HROB: variants seen among roughly 807,000 people sequenced by gnomAD.
The protein encoded by HROB is homologous recombination factor with OB-fold.
Under a neutral mutation model 61.0 loss-of-function variants are expected in HROB, and 44 were observed. The observed-to-expected ratio is 0.72, with a 90% CI of 0.57 to 0.93. The LOEUF (loss-of-function observed/expected upper bound fraction) is 0.93, where lower values mean the gene tolerates loss of function less well. Among genes scored for constraint, HROB ranks in the 40% least tolerant of loss-of-function variants. HROB has a pLI of 0.00. For synonymous variants in HROB, 301 were observed against 310.4 expected (o/e 0.97, Z 0.32); for missense variants, 716 against 796.2 (o/e 0.90, Z 1.21).
At chr17:44,145,050 C>T (rs765488102) in intron 1 of HROB, among the ~76,000 whole-genome samples, 153 bp from the exon 2 acceptor site, 1 of 152,166 alleles carries the variant, frequency 6.6e-6, no homozygotes, top group Non-Finnish European at 1.5e-5. Flanking sequence ...AATCCCATTT[C>T]TTCTCATTCC....
At chr17:44,158,079 A>G (rs1046641519) in intron 9 of HROB, 138 bp downstream of exon 9, 3 of 643,006 alleles carry the variant, frequency 4.7e-6, no homozygotes, top group African/African-American at 3.7e-5. Flanking sequence ...AATCAGATAC[A>G]GTGTCTTGTT....
chr17:44,148,872 A>G lies in HROB; in HGVS notation c.1069A>G (p.Lys357Glu). The G allele has an allele frequency of 1.2e-6, 2 of 1,614,178 alleles. No individual in the cohort carries two copies. Among genetic ancestry groups the G allele is most frequent in the East Asian group, 4.5e-5 (2 of 44,878 alleles). ...CATTGGGTCTCCTGTTGGTACCCCA[A>G]AAGGTCCCCAGGGAGCTCTGCAGAC... ...SSIGSPVGTP[K>E]GPQGALQTPI... Residue 357 changes from lysine (K) to glutamate (E), a missense_variant, in exon 3 of 10, where the codon AAA becomes GAA. Lys to Glu is a moderately conservative substitution (Grantham distance 56, BLOSUM62 1). Transcript: ENST00000585683.
At position 44,142,075 on chromosome 17, in the gene HROB, G is replaced by C; in HGVS notation, c.-68G>C. The C allele has an allele frequency of 6.5e-7, 1 of 1,527,686 alleles. No homozygotes were observed. Among genetic ancestry groups the C allele is most frequent in the Non-Finnish European group, 8.8e-7 (1 of 1,141,348 alleles). 94.6% of individuals were successfully genotyped at this position (1,527,686 alleles called of 1,614,324 possible). A position where few individuals can be genotyped will look rare whatever the true frequency, so the allele number is the denominator to read the frequency against. ...AGACTTCCACCTGGGTCGTGTCCAAGGCCCCGGCGACTCCCCGGACTCGGG... is the reference window on the plus strand; with the variant it reads ...AGACTTCCACCTGGGTCGTGTCCAACGCCCCGGCGACTCCCCGGACTCGGG... On this transcript the variant is annotated 5_prime_UTR_variant, in exon 1 of 10. Coordinates refer to ENST00000585683, the MANE Select transcript of HROB (RefSeq NM_001171251.3).
intron 7 of HROB, 28 bp from the exon 8 acceptor site, chr17:44,155,258 C>T (rs769486731): frequency 8.1e-6 from 13 of 1,612,634 alleles, no homozygotes; most frequent in Non-Finnish European, 8.5e-6. Context: ...TCCATCAGGA[C>T]ACTGACCTTC....
At chr17:44,158,902 C>T (rs1350263839) in intron 9 of HROB, among the ~76,000 whole-genome samples, 1 of 152,204 alleles carries the variant, frequency 6.6e-6, no homozygotes, top group African/African-American at 2.4e-5. Flanking sequence ...CCGCCTCAGC[C>T]TCCCAAAGTG....
chr17:44,157,292 G>C (rs1468624326), intron 8 of HROB, among the ~76,000 whole-genome samples: 1 of 151,938 alleles, frequency 6.6e-6, no homozygotes, highest in African/African-American at 2.4e-5. Context: ...GCCAAAAGAG[G>C]TTTGTTTTTT....
At chr17:44,159,013 T>C (rs2144109390) in intron 9 of HROB, among the ~76,000 whole-genome samples, 1 of 152,308 alleles carries the variant, frequency 6.6e-6, no homozygotes, top group Non-Finnish European at 1.5e-5. Context: ...GGCCTCGAAC[T>C]CTTGGGGCTC....
At chr17:44,144,039 G>A (rs2053538673) in intron 1 of HROB, among the ~76,000 whole-genome samples, 1 of 151,438 alleles carries the variant, frequency 6.6e-6, no homozygotes, top group Non-Finnish European at 1.5e-5. Flanking sequence ...GTTCAGTGGT[G>A]CAATCTTGGC....
Position 44,142,024 on chromosome 17 carries a change from C to A in HROB, c.-119C>A. 7.3e-7 allele frequency: 1 copy of A among 1,377,020 alleles called. No homozygotes were observed. The highest frequency in any genetic ancestry group is 1.5e-5 in the African/African-American group (1 of 67,140). The allele number at this position is 1,377,020 out of a possible 1,614,324, so 85.3% of individuals were successfully genotyped here. A position where few individuals can be genotyped will look rare whatever the true frequency, so the allele number is the denominator to read the frequency against. ...AGAGACTCATCCCTCTGACCCCAGCCCGGAAGCACTGTCCCTCGGAGTCCG... is the reference window on the plus strand; with the variant it reads ...AGAGACTCATCCCTCTGACCCCAGCACGGAAGCACTGTCCCTCGGAGTCCG... On this transcript the variant is annotated 5_prime_UTR_variant, in exon 1 of 10. Transcript: ENST00000585683.
At chr17:44,143,755 T>A (rs543386686) in intron 1 of HROB, among the ~76,000 whole-genome samples, 53 of 152,176 alleles carry the variant, frequency 3.5e-4, no homozygotes, top group African/African-American at 1.3e-3. Context: ...AGATTGAGGC[T>A]GCAGTGAGCT....
Position 44,148,567 on chromosome 17 carries a change from C to T in HROB, c.764C>T (p.Thr255Ile). The T allele has an allele frequency of 6.2e-7, 1 of 1,614,010 alleles. No homozygotes were observed. The highest frequency in any genetic ancestry group is 8.5e-7 in the Non-Finnish European group (1 of 1,180,006). ...GCTGTGGGTCACCTTCCTGTTCCAA[C>T]TGCCTTAACAGTTCCCACTCAGCAA... ...PGAVGHLPVPTALTVPTQQLH... is the reference protein window; with the variant it reads ...PGAVGHLPVPIALTVPTQQLH... The change falls in exon 3 of 10, where the codon ACT becomes ATT. Residue 255 changes from threonine (T) to isoleucine (I), a missense_variant. Transcript: ENST00000585683.
chr17:44,145,179 C>T, intron 1 of HROB, 24 bp from the exon 2 acceptor site: 4 of 1,613,496 alleles, frequency 2.5e-6, no homozygotes, highest in South Asian at 2.2e-5. Context: ...TTTCTCAACC[C>T]CAGTTGGTTT....
chr17:44,149,076 G>C (rs1337812299), intron 3 of HROB, 49 bp downstream of exon 3: 1 of 1,539,638 alleles, frequency 6.5e-7, no homozygotes, highest in Non-Finnish European at 8.9e-7. Flanking sequence ...AGAGAAGCAG[G>C]GTTCCAGCAC....
At chr17:44,160,534 C>T (rs565589865) in intron 9 of HROB, among the ~76,000 whole-genome samples, 5 of 152,312 alleles carry the variant, frequency 3.3e-5, no homozygotes, top group African/African-American at 1.2e-4. Flanking sequence ...TGCCACTGCA[C>T]TCCAGCCTGG....
In HROB at chr17:44,148,626, G is replaced by C. The variant is rs776313962; in HGVS notation, c.823G>C (p.Val275Leu). ...HWEVCPQRSP[V>L]QALQPLQAAR... ...GGAAGTCTGTCCGCAACGCTCCCCT[G>C]TTCAAGCACTTCAGCCTCTCCAAGC... is the stretch of plus-strand genomic sequence containing the variant. Residue 275 changes from valine to leucine, a missense_variant, in exon 3 of 10, where the codon GTT becomes CTT. Physicochemically the swap from Val to Leu is conservative, Grantham distance 32 (BLOSUM62 1). Coordinates refer to ENST00000585683, the MANE Select transcript of HROB (RefSeq NM_001171251.3). The C allele has an allele frequency of 1.9e-6, 3 of 1,613,554 alleles. No individual in the cohort carries two copies. The highest frequency in any genetic ancestry group is 2.5e-6 in the Non-Finnish European group (3 of 1,180,016).
intron 4 of HROB, among the ~76,000 whole-genome samples, chr17:44,152,061 G>A (rs920486047): frequency 2.6e-5 from 4 of 152,060 alleles, no homozygotes; most frequent in African/African-American, 9.7e-5. Flanking sequence ...TAGCCAGGAT[G>A]GTCTCCATCT....
At chr17:44,146,427 T>C (rs2053613074) in intron 2 of HROB, among the ~76,000 whole-genome samples, 1 of 152,184 alleles carries the variant, frequency 6.6e-6, no homozygotes, top group South Asian at 2.1e-4. Context: ...CTTTCAGCTT[T>C]GGAGATATGT....
chr17:44,153,450 G>A (rs1019239754), intron 5 of HROB, among the ~76,000 whole-genome samples: 1 of 151,746 alleles, frequency 6.6e-6, no homozygotes, highest in African/African-American at 2.4e-5. Flanking sequence ...GCGAGAGCTT[G>A]TCTCCTTTAA....
At chr17:44,152,884 C>G in intron 5 of HROB, 107 bp downstream of exon 5, 1 of 1,363,186 alleles carries the variant, frequency 7.3e-7, no homozygotes, top group Non-Finnish European at 1.0e-6. Context: ...CCCTCGTACC[C>G]TATACAAGTA....
Sources: allele counts gnomAD v4.1 joint callset (sites outside exome capture counted in the v4.1 genomes callset), GRCh38; gene constraint gnomAD v4.1.1; transcripts MANE v1.5; gene names NCBI Gene and HGNC (gene_info 2026-07-23, HGNC 2026-07-21).